The following ADK variants were observed in gnomAD, a reference collection of about 807,000 sequenced individuals.
ADK encodes the protein adenosine kinase.
Under a neutral mutation model 44.7 loss-of-function variants are expected in ADK, and 24 were observed. That is an observed-to-expected ratio of 0.54 (90% CI 0.39 to 0.76). The LOEUF (loss-of-function observed/expected upper bound fraction) is 0.76. Among genes scored for constraint, ADK ranks in the 30% least tolerant of loss-of-function variants. The pLI is 0.00. For missense variants in ADK, 321 were observed against 425.1 expected, an observed-to-expected ratio of 0.76 and a Z score of 2.15; for synonymous variants, 128 against 142.6, an observed-to-expected ratio of 0.90 and a Z score of 0.73.
chr10:74,458,303 T>TG (rs1207683300), intron 6 of ADK, among the ~76,000 whole-genome samples: 12 of 146,868 alleles, frequency 8.2e-5, no homozygotes, highest in African/African-American at 2.8e-4. Context: ...GGTTTTGTTT[T>TG]TTTTTTTTTT....
At chr10:74,177,943 A>G (rs201647106) in intron 1 of ADK, among the ~76,000 whole-genome samples, 2 of 56,842 alleles carry the variant, frequency 3.5e-5, no homozygotes, top group East Asian at 6.3e-4. Context: ...ATATATATAT[A>G]TATTTTTTTT....
intron 4 of ADK, among the ~76,000 whole-genome samples, chr10:74,382,252 C>T (rs1455431716): frequency 6.6e-6 from 1 of 152,130 alleles, no homozygotes; most frequent in Non-Finnish European, 1.5e-5. Context: ...GTGCACACCA[C>T]CATGCCTGGC....
intron 4 of ADK, among the ~76,000 whole-genome samples, chr10:74,388,642 T>G (rs1843230337): frequency 6.6e-6 from 1 of 152,198 alleles, no homozygotes. Context: ...TTTCTTAATT[T>G]TAATTTTCAA....
intron 3 of ADK, among the ~76,000 whole-genome samples, chr10:74,278,748 C>T (rs1032164758): frequency 3.3e-5 from 5 of 152,140 alleles, no homozygotes; most frequent in African/African-American, 1.2e-4. Flanking sequence ...TGATAGCACA[C>T]TACATCCTCT....
At chr10:74,381,099 C>G (rs1450328984) in intron 4 of ADK, among the ~76,000 whole-genome samples, 2 of 151,956 alleles carry the variant, frequency 1.3e-5, no homozygotes, top group East Asian at 1.9e-4. Flanking sequence ...CTGATTTTCT[C>G]TGGTATAGAA....
rs373947736 is a variant in ADK, at chr10:74,195,734, GTAGCA to G, written c.66-5027_66-5023del. 3.2e-3 allele frequency among the ~76,000 whole-genome samples: 308 copies of G among 95,070 alleles called. 1 individual carries two copies. The highest frequency in any genetic ancestry group is 0.012 in the Middle Eastern group (1 of 82). The allele number at this position is 95,070 out of a possible 152,430, so 62.4% of individuals were successfully genotyped here. ...TTTTTTTTTTTTTTTTTTTGAGGTA[GTAGCA>G]TACTCATGGCTCACTGTAGCCTCAA... On this transcript the variant is annotated intron_variant, in intron 1 of 10. Transcript: ENST00000539909.
At chr10:74,354,158 G>T (rs949886563) in intron 4 of ADK, among the ~76,000 whole-genome samples, 1 of 152,218 alleles carries the variant, frequency 6.6e-6, no homozygotes, top group African/African-American at 2.4e-5. Context: ...GAAGTTGTGT[G>T]TAAGAATAGG....
intron 2 of ADK, among the ~76,000 whole-genome samples, chr10:74,201,666 A>G (rs537298454): frequency 1.5e-3 from 187 of 120,874 alleles, no homozygotes; most frequent in African/African-American, 6.3e-3. Flanking sequence ...GTATGTATGT[A>G]TGTATGTATG....
intron 4 of ADK, among the ~76,000 whole-genome samples, chr10:74,348,788 C>T (rs574055182): frequency 2.7e-5 from 4 of 150,632 alleles, no homozygotes; most frequent in South Asian, 2.1e-4. Flanking sequence ...ATAGCCAAAT[C>T]GATCAAGCAG....
chr10:74,266,639 A>G (rs1480133595), intron 3 of ADK, among the ~76,000 whole-genome samples: 1 of 152,118 alleles, frequency 6.6e-6, no homozygotes, highest in Non-Finnish European at 1.5e-5. Context: ...AACCCATAGT[A>G]TATTATAGTT....
intron 1 of ADK, among the ~76,000 whole-genome samples, chr10:74,184,832 G>T (rs1842689108): frequency 6.6e-6 from 1 of 152,126 alleles, no homozygotes; most frequent in Non-Finnish European, 1.5e-5. Context: ...AATGTTATTT[G>T]AACTAGGACC....
At chr10:74,630,681 TTCTCTCCATTGTAAAGTTAG>T (rs1853378314) in intron 9 of ADK, among the ~76,000 whole-genome samples, 1 of 152,168 alleles carries the variant, frequency 6.6e-6, no homozygotes, top group Non-Finnish European at 1.5e-5. Flanking sequence ...TGCCTGCCAG[TTCTCTCCATTGTAAAGTTAG>T]TATTTTTTCT....
intron 4 of ADK, among the ~76,000 whole-genome samples, chr10:74,344,182 A>G (rs1445723133): frequency 6.6e-6 from 1 of 152,154 alleles, no homozygotes; most frequent in East Asian, 1.9e-4. Flanking sequence ...TCATAGTAAT[A>G]CTGGCCTCAT....
intron 1 of ADK, among the ~76,000 whole-genome samples, chr10:74,193,782 A>C (rs779979435): frequency 1.2e-4 from 18 of 152,162 alleles, no homozygotes; most frequent in Non-Finnish European, 1.6e-4. Flanking sequence ...AAAAGAAAGA[A>C]ACAAAAGATC....
intron 9 of ADK, among the ~76,000 whole-genome samples, chr10:74,666,208 G>A (rs1314246686): frequency 1.3e-5 from 2 of 152,204 alleles, no homozygotes; most frequent in Admixed American, 1.3e-4. Context: ...ATTAGGTAGT[G>A]AAGCTTGTCT....
At chr10:74,591,181 CTTT>C (rs768281530) in intron 8 of ADK, among the ~76,000 whole-genome samples, 47 of 152,248 alleles carry the variant, frequency 3.1e-4, no homozygotes, top group African/African-American at 7.9e-4. Context: ...CAACAAACTA[CTTT>C]TTCTATTTTC....
intron 3 of ADK, among the ~76,000 whole-genome samples, chr10:74,228,529 G>A (rs1470246956): frequency 1.3e-5 from 2 of 151,940 alleles, no homozygotes; most frequent in East Asian, 1.9e-4. Context: ...CATTGTGCTA[G>A]GCATTAAAGA....
At chr10:74,646,774 A>G in intron 9 of ADK, among the ~76,000 whole-genome samples, 1 of 152,224 alleles carries the variant, frequency 6.6e-6, no homozygotes, top group Non-Finnish European at 1.5e-5. Flanking sequence ...GCTCAGCCAC[A>G]GTTATTGGTG....
chr10:74,364,926 C>G (rs950194148), intron 4 of ADK, among the ~76,000 whole-genome samples: 2 of 152,072 alleles, frequency 1.3e-5, no homozygotes, highest in African/African-American at 4.8e-5. Flanking sequence ...ATTCACTTCT[C>G]TTTTAGATTA....
Sources: gnomAD v4.1 joint callset for allele counts (sites outside exome capture counted in the v4.1 genomes callset) on GRCh38, gnomAD v4.1.1 for gene constraint, MANE v1.5 for transcripts, NCBI Gene and HGNC (gene_info 2026-07-23, HGNC 2026-07-21) for gene names.